Variants in PRKN observed in about 807,000 individuals in gnomAD.
PRKN encodes parkin RBR E3 ubiquitin protein ligase, also known as E3 ubiquitin-protein ligase parkin.
PRKN carries 56 observed loss-of-function variants against 59.5 expected under a neutral mutation model. The ratio of observed to expected loss-of-function variants is 0.94; its 90% confidence interval spans 0.76 to 1.18. The LOEUF (loss-of-function observed/expected upper bound fraction) is 1.18, where lower values mean the gene tolerates loss of function less well. Among genes scored for constraint, PRKN ranks in the 50% most tolerant of loss-of-function variants. The pLI is 0.00. For missense variants in PRKN, 657 were observed against 596.4 expected (o/e 1.10, Z -1.06); for synonymous variants, 250 against 222.1 (o/e 1.13, Z -1.12).
chr6:161,652,566 G>C (rs1784188944), intron 7 of PRKN, among the ~76,000 whole-genome samples: 1 of 152,126 alleles, frequency 6.6e-6, no homozygotes, highest in Non-Finnish European at 1.5e-5. Flanking sequence ...CCAATGTGTA[G>C]CGATAAGGGA....
chr6:162,611,992 T>A (rs558759776), intron 1 of PRKN, among the ~76,000 whole-genome samples: 1 of 150,898 alleles, frequency 6.6e-6, no homozygotes, highest in African/African-American at 2.4e-5. Context: ...GAGACCATCC[T>A]GGCTAACACG....
chr6:162,197,997 A>G (rs1784562502), intron 4 of PRKN, among the ~76,000 whole-genome samples: 1 of 152,152 alleles, frequency 6.6e-6, no homozygotes, highest in African/African-American at 2.4e-5. Context: ...ACAAGTAAGG[A>G]CACTTTGGTA....
chr6:162,685,806 A>T (rs1779948923), intron 1 of PRKN, among the ~76,000 whole-genome samples: 1 of 152,156 alleles, frequency 6.6e-6, no homozygotes, highest in Non-Finnish European at 1.5e-5. Flanking sequence ...ATTTTTGGCC[A>T]GCAGACCCTC....
chr6:162,695,416 T>C (rs919282548), intron 1 of PRKN, among the ~76,000 whole-genome samples: 19 of 152,150 alleles, frequency 1.2e-4, no homozygotes, highest in Admixed American at 1.2e-3. Flanking sequence ...TATCCTATTA[T>C]TCCTACTAAA....
At chr6:162,241,650 G>A (rs2128091780) in intron 3 of PRKN, among the ~76,000 whole-genome samples, 1 of 152,158 alleles carries the variant, frequency 6.6e-6, no homozygotes, top group East Asian at 1.9e-4. Context: ...AAGAGTATAA[G>A]CTACCCTAAG....
At chr6:162,409,854 T>C (rs1788263963) in intron 2 of PRKN, among the ~76,000 whole-genome samples, 1 of 152,182 alleles carries the variant, frequency 6.6e-6, no homozygotes. Context: ...ACCAACTTTT[T>C]TACCAAGTAG....
chr6:162,232,930 G>T (rs1050705288), intron 3 of PRKN, among the ~76,000 whole-genome samples: 3 of 144,900 alleles, frequency 2.1e-5, no homozygotes, highest in African/African-American at 7.5e-5. Context: ...TTATGTTTGG[G>T]TAAAAAAAAA....
intron 2 of PRKN, among the ~76,000 whole-genome samples, chr6:162,365,758 G>T (rs1785405392): frequency 1.3e-5 from 2 of 151,938 alleles, no homozygotes; most frequent in Non-Finnish European, 2.9e-5. Flanking sequence ...TACCTTCTCG[G>T]TTTATTTTCT....
At position 162,717,467 on chromosome 6, in the gene PRKN, C is replaced by A. The variant is rs569330463; in HGVS notation, c.7+10195G>T. On this transcript the variant is annotated intron_variant, in intron 1 of 11. Coordinates refer to ENST00000366898, the MANE Select transcript of PRKN (RefSeq NM_004562.3). ...GGCAGGTTGGCATGCACCTATAGTC[C>A]CAGCTATTCGGGAAGTTGAGCCCAG... Among the ~76,000 whole-genome samples the A allele has an allele frequency of 9.0e-4, 136 of 151,350 alleles. 1 individual carries two copies. In the South Asian group the frequency reaches 0.026, roughly 29 times the overall value.
chr6:162,071,767 G>A (rs1778585655), intron 4 of PRKN, among the ~76,000 whole-genome samples: 1 of 151,802 alleles, frequency 6.6e-6, no homozygotes, highest in South Asian at 2.1e-4. Flanking sequence ...ACTAATTTTT[G>A]TATTTTTTCA....
intron 6 of PRKN, among the ~76,000 whole-genome samples, chr6:161,811,079 A>T (rs1398139610): frequency 6.6e-6 from 1 of 152,204 alleles, no homozygotes; most frequent in Non-Finnish European, 1.5e-5. Flanking sequence ...TTTTTAAAGA[A>T]CTAGACAAAC....
intron 7 of PRKN, among the ~76,000 whole-genome samples, chr6:161,601,189 C>T (rs79677270): frequency 0.033 from 5,013 of 152,136 alleles, 268 homozygotes; most frequent in African/African-American, 0.11. Context: ...CAGGCTATTA[C>T]GACAAAATAC....
intron 6 of PRKN, among the ~76,000 whole-genome samples, chr6:161,799,797 G>A (rs1185473806): frequency 6.6e-6 from 1 of 152,222 alleles, no homozygotes; most frequent in Non-Finnish European, 1.5e-5. Context: ...AAGGCCTGGG[G>A]ATGGGACATT....
At chr6:162,630,389 TA>T (rs1783061537) in intron 1 of PRKN, among the ~76,000 whole-genome samples, 1 of 152,170 alleles carries the variant, frequency 6.6e-6, no homozygotes, top group African/African-American at 2.4e-5. Context: ...TGGAATTTAG[TA>T]ATTAGAGTTC....
intron 7 of PRKN, among the ~76,000 whole-genome samples, chr6:161,766,314 A>ATTTTTTTTTTT (rs758294050): frequency 2.1e-5 from 3 of 139,602 alleles, no homozygotes; most frequent in African/African-American, 8.1e-5. Flanking sequence ...CATTGACCAC[A>ATTTTTTTTTTT]TTTTTTTTTT....
At chr6:161,924,822 T>A (rs1049562477) in intron 6 of PRKN, among the ~76,000 whole-genome samples, 2 of 152,220 alleles carry the variant, frequency 1.3e-5, no homozygotes, top group Non-Finnish European at 2.9e-5. Flanking sequence ...GATTTGCTTT[T>A]CAAACACAGT....
chr6:161,638,949 C>T (rs1308587522), intron 7 of PRKN, among the ~76,000 whole-genome samples: 7 of 151,966 alleles, frequency 4.6e-5, no homozygotes, highest in Admixed American at 4.6e-4. Flanking sequence ...ACCATGTTGG[C>T]TGCGCTGGTC....
intron 1 of PRKN, among the ~76,000 whole-genome samples, chr6:162,647,942 C>A (rs1187455142): frequency 4.6e-5 from 2 of 43,680 alleles, no homozygotes; most frequent in East Asian, 4.7e-4. Flanking sequence ...TCTATATGTC[C>A]ACAGTGCAAA....
intron 1 of PRKN, among the ~76,000 whole-genome samples, chr6:162,507,554 C>T (rs887005138): frequency 2.6e-5 from 4 of 152,072 alleles, no homozygotes; most frequent in African/African-American, 9.7e-5. Context: ...TTTTATAAAA[C>T]TTAAGTAACA....
Sources: gnomAD v4.1 joint callset for allele counts (sites outside exome capture counted in the v4.1 genomes callset) on GRCh38, gnomAD v4.1.1 for gene constraint, MANE v1.5 for transcripts, NCBI Gene and HGNC (gene_info 2026-07-23, HGNC 2026-07-21) for gene names.